Variants in EXOC4 observed in about 807,000 individuals in gnomAD.
EXOC4 encodes the protein exocyst complex component 4.
In EXOC4, 71 loss-of-function variants were observed where a neutral mutation model predicts 107.2. That is an observed-to-expected ratio of 0.66 (90% CI 0.55 to 0.81). The LOEUF (loss-of-function observed/expected upper bound fraction) is 0.81. Ranked by LOEUF, EXOC4 falls within the 30% of genes least tolerant of loss-of-function variation. The probability of loss-of-function intolerance (pLI) is 0.00; values close to 1 mark genes in which losing one functional copy is unlikely to be tolerated. For missense variants in EXOC4, 1,108 were observed against 1,189.6 expected (o/e 0.93, Z 1.01); for synonymous variants, 456 against 441.2 (o/e 1.03, Z -0.42).
intron 11 of EXOC4, among the ~76,000 whole-genome samples, chr7:133,830,413 C>T (rs1282453145): frequency 1.3e-5 from 2 of 152,198 alleles, no homozygotes; most frequent in Non-Finnish European, 2.9e-5. Flanking sequence ...CACTTTTCTT[C>T]CAGCCTTTCA....
At chr7:133,435,878 G>A (rs1030216849) in intron 7 of EXOC4, among the ~76,000 whole-genome samples, 12 of 152,062 alleles carry the variant, frequency 7.9e-5, no homozygotes, top group African/African-American at 2.9e-4. Flanking sequence ...GAATGGATAA[G>A]TGAATGAATA....
chr7:133,905,595 T>C (rs1799548238), intron 12 of EXOC4, among the ~76,000 whole-genome samples: 2 of 152,174 alleles, frequency 1.3e-5, no homozygotes, highest in South Asian at 4.1e-4. Context: ...TTTTCGGAAG[T>C]TTCTCTCTGT....
chr7:134,068,623 C>A (rs1796220018), downstream of EXOC4, among the ~76,000 whole-genome samples: 1 of 152,298 alleles, frequency 6.6e-6, no homozygotes, highest in Non-Finnish European at 1.5e-5. Flanking sequence ...GGTACTATTA[C>A]TTCTATTACA....
chr7:133,701,612 A>C (rs1038415594), intron 10 of EXOC4, among the ~76,000 whole-genome samples: 1 of 152,208 alleles, frequency 6.6e-6, no homozygotes, highest in Non-Finnish European at 1.5e-5. Flanking sequence ...AATTAGGCAC[A>C]GTCAGAGATT....
At chr7:133,582,352 G>T (rs1275208665) in intron 9 of EXOC4, among the ~76,000 whole-genome samples, 1 of 152,166 alleles carries the variant, frequency 6.6e-6, no homozygotes, top group East Asian at 1.9e-4. Context: ...AGGTGGATAT[G>T]ACCACATTTT....
chr7:133,820,154 A>ATT (rs35640945), intron 11 of EXOC4, among the ~76,000 whole-genome samples: 2,241 of 70,204 alleles, frequency 0.032, 29 homozygotes, highest in Non-Finnish European at 0.047. Flanking sequence ...CACCTGCTTC[A>ATT]TTTTTTTTTT....
chr7:133,859,619 G>A (rs75579076), intron 11 of EXOC4, among the ~76,000 whole-genome samples: 3,146 of 152,272 alleles, frequency 0.021, 129 homozygotes, highest in African/African-American at 0.072. Flanking sequence ...GGACTAGAGA[G>A]CTGCTTTCAT....
At chr7:134,001,158 G>GT (rs1319786072) in intron 15 of EXOC4, among the ~76,000 whole-genome samples, 2 of 152,060 alleles carry the variant, frequency 1.3e-5, no homozygotes, top group Non-Finnish European at 2.9e-5. Flanking sequence ...ATTGAGGTTT[G>GT]TTTTTTCTAT....
chr7:133,328,500 T>C (rs992641441), intron 5 of EXOC4, among the ~76,000 whole-genome samples: 3 of 152,224 alleles, frequency 2.0e-5, no homozygotes, highest in Non-Finnish European at 4.4e-5. Context: ...TGCCTGTTGA[T>C]GCAGTTTTTT....
intron 14 of EXOC4, among the ~76,000 whole-genome samples, chr7:133,980,981 A>G (rs1488356469): frequency 2.2e-4 from 34 of 152,214 alleles, no homozygotes; most frequent in Admixed American, 2.2e-3. Context: ...GACACCAGAC[A>G]GATTAAAGGG....
At chr7:133,755,235 A>ATATATATAATATATATATTATATATATAT (rs1795876241) in intron 10 of EXOC4, among the ~76,000 whole-genome samples, 5 of 98,542 alleles carry the variant, frequency 5.1e-5, no homozygotes, top group Non-Finnish European at 7.9e-5. Flanking sequence ...TATATATATA[A>ATATATATAATATATATATTATATATATAT]TATATATAAT....
chr7:133,459,007 A>G (rs1003120366), intron 7 of EXOC4, among the ~76,000 whole-genome samples: 4 of 152,186 alleles, frequency 2.6e-5, no homozygotes, highest in South Asian at 2.1e-4. Context: ...GGTAAATGCA[A>G]TTAAGACCTT....
intron 11 of EXOC4, among the ~76,000 whole-genome samples, chr7:133,864,629 A>G (rs78830358): frequency 0.015 from 2,354 of 152,320 alleles, 60 homozygotes; most frequent in African/African-American, 0.053. Context: ...AATTAGGGAA[A>G]GCAGGGAGAT....
At chr7:133,570,026 A>T (rs548972832) in intron 9 of EXOC4, among the ~76,000 whole-genome samples, 2 of 152,310 alleles carry the variant, frequency 1.3e-5, no homozygotes, top group East Asian at 3.9e-4. Context: ...CTGTACCAAG[A>T]TGTCAGTGCT....
chr7:134,020,546 T>C (rs544759395), intron 17 of EXOC4, among the ~76,000 whole-genome samples: 7 of 152,356 alleles, frequency 4.6e-5, no homozygotes, highest in Admixed American at 1.3e-4. Flanking sequence ...TCAGTTAACA[T>C]GTGTAGACAT....
chr7:133,881,401 T>C (rs1227567873), intron 11 of EXOC4, among the ~76,000 whole-genome samples: 2 of 152,202 alleles, frequency 1.3e-5, no homozygotes, highest in East Asian at 3.9e-4. Flanking sequence ...TTGTTCTTTC[T>C]ACAAATTGCA....
At chr7:133,704,498 G>A (rs1794727322) in intron 10 of EXOC4, among the ~76,000 whole-genome samples, 1 of 152,152 alleles carries the variant, frequency 6.6e-6, no homozygotes, top group African/African-American at 2.4e-5. Context: ...GTTATTCATA[G>A]CCTTCTTGAC....
chr7:133,611,408 G>A (rs550505822), intron 9 of EXOC4, among the ~76,000 whole-genome samples: 1 of 152,204 alleles, frequency 6.6e-6, no homozygotes, highest in South Asian at 2.1e-4. Context: ...TTGTGTCAGA[G>A]GTTACTCTGA....
chr7:134,033,604 T>C (rs181606594), intron 17 of EXOC4, among the ~76,000 whole-genome samples: 15 of 152,140 alleles, frequency 9.9e-5, no homozygotes, highest in Admixed American at 3.3e-4. Context: ...GAACAGAGAA[T>C]GAAGGGGAGG....
Sources: allele counts gnomAD v4.1 joint callset (sites outside exome capture counted in the v4.1 genomes callset), GRCh38; gene constraint gnomAD v4.1.1; transcripts MANE v1.5; gene names NCBI Gene and HGNC (gene_info 2026-07-23, HGNC 2026-07-21).